CNBD1: variants seen among roughly 807,000 people sequenced by gnomAD.
CNBD1 encodes the protein cyclic nucleotide binding domain containing 1.
A neutral mutation model predicts 54.4 loss-of-function variants in CNBD1; 71 were observed. The observed-to-expected ratio is 1.30, with a 90% CI of 1.08 to 1.59. The LOEUF is 1.59. Among genes scored for constraint, CNBD1 ranks in the 40% most tolerant of loss-of-function variants. The pLI is 0.00. For synonymous variants in CNBD1, 182 were observed against 170.7 expected (o/e 1.07, Z -0.51); for missense variants, 659 against 518.0 (o/e 1.27, Z -2.64).
intron 6 of CNBD1, among the ~76,000 whole-genome samples, chr8:87,265,715 A>G (rs1357346829): frequency 6.6e-6 from 1 of 152,098 alleles, no homozygotes; most frequent in Non-Finnish European, 1.5e-5. Flanking sequence ...TTCACTATAT[A>G]TCATTTATGA....
chr8:87,414,269 A>T (rs1243504631), intron 2 of CNBD1, among the ~76,000 whole-genome samples: 3 of 151,906 alleles, frequency 2.0e-5, no homozygotes, highest in Non-Finnish European at 4.4e-5. Context: ...AACTATCGCA[A>T]GGACAAAAAA....
intron 4 of CNBD1, among the ~76,000 whole-genome samples, chr8:87,130,152 TG>T (rs1487703363): frequency 6.6e-6 from 1 of 152,162 alleles, no homozygotes; most frequent in African/African-American, 2.4e-5. Context: ...TGAGATTTGG[TG>T]GGGACACAGC....
In CNBD1 at chr8:87,284,696, T is replaced by C; in HGVS notation, c.790T>C (p.Phe264Leu). The part of the protein sequence containing the change: ...YDSMLSKWST[F>L]GTLEVMPQNE... Reference sequence around the variant, plus strand: ...TTTACAGCTTAGCAAATGGAGTACCTTTGGGACTCTGGAAGTTATGCCTCA... The same window carrying C: ...TTTACAGCTTAGCAAATGGAGTACCCTTGGGACTCTGGAAGTTATGCCTCA... Residue 264 changes from phenylalanine (F) to leucine (L), a missense_variant, in exon 7 of 11, where the codon TTT (phenylalanine) becomes CTT (leucine). Transcript: ENST00000518476. 6.2e-7 allele frequency: 1 copy of C among 1,606,472 alleles called. No individual in the cohort carries two copies. Among genetic ancestry groups the C allele is most frequent in the Non-Finnish European group, 8.5e-7 (1 of 1,176,632 alleles).
At chr8:87,044,558 CT>C (rs1354848204) in intron 4 of CNBD1, 4 of 152,160 alleles carry the variant, frequency 2.6e-5, no homozygotes, top group Non-Finnish European at 5.9e-5. Context: ...GGAATGCCAA[CT>C]TTTATAAGAA....
At chr8:87,024,920 A>C (rs1418859064) in intron 4 of CNBD1, among the ~76,000 whole-genome samples, 3 of 152,210 alleles carry the variant, frequency 2.0e-5, no homozygotes, top group Non-Finnish European at 4.4e-5. Context: ...AAGTTAAAGC[A>C]TTTAAAAATA....
chr8:87,004,318 T>C (rs1202025825), intron 4 of CNBD1, among the ~76,000 whole-genome samples: 2 of 152,106 alleles, frequency 1.3e-5, no homozygotes, highest in African/African-American at 2.4e-5. Context: ...CTCAAAGTTA[T>C]AGTTTGTTGA....
intron 4 of CNBD1, among the ~76,000 whole-genome samples, chr8:87,128,211 A>G (rs1563479141): frequency 6.6e-6 from 1 of 152,182 alleles, no homozygotes; most frequent in Non-Finnish European, 1.5e-5. Context: ...CCGAACAAGT[A>G]CCTGGGTACC....
At chr8:87,021,236 ATAT>A (rs1480923052) in intron 4 of CNBD1, among the ~76,000 whole-genome samples, 12 of 152,126 alleles carry the variant, frequency 7.9e-5, no homozygotes, top group Admixed American at 7.2e-4. Flanking sequence ...ATCTCTTCAA[ATAT>A]TTTAGAGTTT....
intron 2 of CNBD1, among the ~76,000 whole-genome samples, chr8:87,418,794 T>C (rs1807878162): frequency 1.3e-5 from 2 of 151,832 alleles, no homozygotes; most frequent in South Asian, 2.1e-4. Flanking sequence ...ATATAAAATA[T>C]AGACAGTAAT....
intron 4 of CNBD1, among the ~76,000 whole-genome samples, chr8:87,138,057 C>G (rs1163103444): frequency 6.6e-6 from 1 of 152,094 alleles, no homozygotes. Flanking sequence ...CTTAAAATGT[C>G]AATTCTTTTC....
chr8:87,078,343 TAATGTC>T (rs1245770419), intron 4 of CNBD1, among the ~76,000 whole-genome samples: 1 of 152,214 alleles, frequency 6.6e-6, no homozygotes, highest in African/African-American at 2.4e-5. Context: ...AAAATAATGT[TAATGTC>T]AGTGTAAAGC....
At chr8:87,122,553 C>T (rs757289546) in intron 4 of CNBD1, among the ~76,000 whole-genome samples, 3 of 151,676 alleles carry the variant, frequency 2.0e-5, no homozygotes, top group Non-Finnish European at 4.4e-5. Flanking sequence ...CCATCACTTT[C>T]GTCTATTTGT....
At chr8:86,998,795 G>A (rs755843176) in intron 4 of CNBD1, among the ~76,000 whole-genome samples, 4 of 152,140 alleles carry the variant, frequency 2.6e-5, no homozygotes, top group Non-Finnish European at 5.9e-5. Flanking sequence ...CAACCAGTGG[G>A]TGTGTCCCAT....
At chr8:87,217,634 A>G (rs1269441400) in intron 5 of CNBD1, among the ~76,000 whole-genome samples, 1 of 151,634 alleles carries the variant, frequency 6.6e-6, no homozygotes, top group Non-Finnish European at 1.5e-5. Flanking sequence ...AAGTTAAAAT[A>G]ACTTTTTCAC....
chr8:87,296,938 G>A (rs1485398498), intron 8 of CNBD1, among the ~76,000 whole-genome samples: 1 of 151,932 alleles, frequency 6.6e-6, no homozygotes, highest in East Asian at 1.9e-4. Flanking sequence ...CACTTTGGGA[G>A]GCCGAGGCGG....
chr8:87,426,866 A>G (rs1326260961), intron 2 of CNBD1, among the ~76,000 whole-genome samples: 4 of 152,230 alleles, frequency 2.6e-5, no homozygotes, highest in Non-Finnish European at 4.4e-5. Context: ...TAATTTGACC[A>G]GGGATATACC....
At chr8:86,958,848 T>A (rs910275686) in intron 4 of CNBD1, among the ~76,000 whole-genome samples, 14 of 152,208 alleles carry the variant, frequency 9.2e-5, no homozygotes, top group Non-Finnish European at 1.9e-4. Context: ...AATATTGTTA[T>A]GTGTGAATTT....
intron 4 of CNBD1, among the ~76,000 whole-genome samples, chr8:86,949,189 T>A (rs1474256238): frequency 6.6e-6 from 1 of 152,184 alleles, no homozygotes; most frequent in African/African-American, 2.4e-5. Context: ...AATGTGATTC[T>A]TCTGGTTTTG....
At chr8:87,428,419 A>T in intron 2 of CNBD1, 1 of 315,666 alleles carries the variant, frequency 3.2e-6, no homozygotes, top group Non-Finnish European at 6.2e-6. Flanking sequence ...AATCAATTTA[A>T]TTATTAGGGA....
Sources: allele counts gnomAD v4.1 joint callset (sites outside exome capture counted in the v4.1 genomes callset), GRCh38; gene constraint gnomAD v4.1.1; transcripts MANE v1.5; gene names NCBI Gene and HGNC (gene_info 2026-07-23, HGNC 2026-07-21).